The following CTNND2 variants were observed in gnomAD, a reference collection of about 807,000 sequenced individuals.
CTNND2 encodes catenin delta-2.
A neutral mutation model predicts 144.4 loss-of-function variants in CTNND2; 22 were observed. The observed-to-expected ratio is 0.15, with a 90% CI of 0.11 to 0.22. The LOEUF (loss-of-function observed/expected upper bound fraction) is 0.22, where lower values mean the gene tolerates loss of function less well. Ranked by LOEUF, CTNND2 falls within the 10% of genes least tolerant of loss-of-function variation. CTNND2 has a pLI of 1.00. For synonymous variants in CTNND2, 751 were observed against 695.6 expected (o/e 1.08, Z -1.25); for missense variants, 1,353 against 1,618.8 (o/e 0.84, Z 2.82).
intron 2 of CTNND2, among the ~76,000 whole-genome samples, chr5:11,676,110 G>A (rs549336886): frequency 1.3e-5 from 2 of 151,744 alleles, no homozygotes; most frequent in East Asian, 2.0e-4. Context: ...GCATCTGGCA[G>A]GTGTCCCTAC....
In CTNND2 at chr5:11,313,418, C is replaced by G. The variant is rs1045665045; in HGVS notation, c.1628+32954G>C. Among the ~76,000 whole-genome samples, 4 of 152,270 alleles carry G rather than the reference C, an allele frequency of 2.6e-5. 1 individual carries two copies. Among genetic ancestry groups the G allele is most frequent in the East Asian group, 1.9e-4 (1 of 5,184 alleles). ...GTCCCGAGATCCTCTTCCAAGTCCCCGACACTCTGGGCCCTTCTTCAGAGA... is the reference window on the plus strand; with the variant it reads ...GTCCCGAGATCCTCTTCCAAGTCCCGGACACTCTGGGCCCTTCTTCAGAGA... On this transcript the variant is annotated intron_variant, in intron 9 of 21. Transcript: ENST00000304623.
chr5:11,408,838 A>G (rs545462570), intron 5 of CTNND2, among the ~76,000 whole-genome samples: 11 of 152,126 alleles, frequency 7.2e-5, no homozygotes, highest in Non-Finnish European at 1.3e-4. Context: ...AAGAAAGCTC[A>G]GTACTATTAT....
intron 8 of CTNND2, among the ~76,000 whole-genome samples, chr5:11,363,001 T>C (rs1037553164): frequency 1.3e-5 from 2 of 152,232 alleles, no homozygotes; most frequent in Non-Finnish European, 2.9e-5. Context: ...AGTTTGAATT[T>C]CATATAATTT....
chr5:11,399,821 C>G (rs959354930), intron 5 of CTNND2, among the ~76,000 whole-genome samples: 1 of 152,200 alleles, frequency 6.6e-6, no homozygotes, highest in African/African-American at 2.4e-5. Flanking sequence ...TGACATATCA[C>G]CTGGCAAGGA....
At position 11,311,699 on chromosome 5, in the gene CTNND2, C is replaced by A. The variant is rs903235803; in HGVS notation, c.1628+34673G>T. On this transcript the variant is annotated intron_variant, in intron 9 of 21. Transcript: ENST00000304623. ...TGCTCTCACACACTCACTCTCCATG[C>A]ACCCTCACCACACACTCCCCATGCA... Among the ~76,000 whole-genome samples the A allele has an allele frequency of 1.1e-4, 16 of 146,630 alleles. 1 individual carries two copies. The highest frequency in any genetic ancestry group is 1.1e-3 in the East Asian group (5 of 4,722).
chr5:11,051,752 T>A (rs1214048470), intron 16 of CTNND2, among the ~76,000 whole-genome samples: 1 of 152,162 alleles, frequency 6.6e-6, no homozygotes, highest in Non-Finnish European at 1.5e-5. Flanking sequence ...ATTAAACAAA[T>A]ATGTATTGAT....
At chr5:11,474,572 T>C (rs1767540226) in intron 3 of CTNND2, among the ~76,000 whole-genome samples, 1 of 152,224 alleles carries the variant, frequency 6.6e-6, no homozygotes, top group East Asian at 1.9e-4. Context: ...TCTTTAAGGG[T>C]AAATCAGAAA....
rs759980257 is a variant in CTNND2, at chr5:11,342,078, G to A, written c.1628+4294C>T. 4.8e-4 allele frequency among the ~76,000 whole-genome samples: 73 copies of A among 152,254 alleles called. 1 individual carries two copies. The highest frequency in any genetic ancestry group is 8.4e-4 in the Non-Finnish European group (57 of 68,012). On this transcript the variant is annotated intron_variant, in intron 9 of 21. Transcript: ENST00000304623. Reference sequence around the variant, plus strand: ...TTCAATTCACTATATATGCATGCGCGTGGGTGTGTGTGTGTGTGTCCACAT... The same window carrying A: ...TTCAATTCACTATATATGCATGCGCATGGGTGTGTGTGTGTGTGTCCACAT...
intron 9 of CTNND2, among the ~76,000 whole-genome samples, chr5:11,254,015 TA>T (rs1743941210): frequency 1.3e-5 from 2 of 152,234 alleles, no homozygotes; most frequent in Non-Finnish European, 1.5e-5. Context: ...TACAATCCAT[TA>T]TGACTAAAAA....
At chr5:11,778,135 C>T (rs146647402) in intron 1 of CTNND2, among the ~76,000 whole-genome samples, 4 of 152,204 alleles carry the variant, frequency 2.6e-5, no homozygotes, top group East Asian at 3.9e-4. Context: ...TAACAACTAA[C>T]ATCAAATACT....
chr5:11,763,886 A>G (rs1393429700), intron 1 of CTNND2, among the ~76,000 whole-genome samples: 4 of 152,060 alleles, frequency 2.6e-5, no homozygotes, highest in Non-Finnish European at 5.9e-5. Flanking sequence ...TGGACTCCCA[A>G]TCAAGGGTCC....
rs142257905 is a variant in CTNND2, at chr5:11,701,778, T to C, written c.174+30358A>G. 2.9e-3 allele frequency among the ~76,000 whole-genome samples: 435 copies of C among 152,356 alleles called. 2 individuals carry two copies. The highest frequency in any genetic ancestry group is 9.5e-3 in the African/African-American group (395 of 41,584). The stretch of plus-strand genomic sequence containing the variant: ...AAAATATATGAAGTATTTATTTGTA[T>C]AATTTTTATATTAGCTAGGACACAA... On this transcript the variant is annotated intron_variant, in intron 2 of 21. Transcript: ENST00000304623.
intron 11 of CTNND2, among the ~76,000 whole-genome samples, chr5:11,163,341 G>A (rs868035030): frequency 5.3e-5 from 8 of 152,282 alleles, no homozygotes; most frequent in South Asian, 2.1e-4. Context: ...GCTTTCAGCC[G>A]AAATTTTGGA....
intron 3 of CTNND2, among the ~76,000 whole-genome samples, chr5:11,428,164 A>G (rs2149867907): frequency 6.6e-6 from 1 of 152,264 alleles, no homozygotes; most frequent in South Asian, 2.1e-4. Flanking sequence ...ATTCAAGTTG[A>G]GACTTGGTGG....
At chr5:11,467,398 C>G (rs1441614870) in intron 3 of CTNND2, among the ~76,000 whole-genome samples, 2 of 152,210 alleles carry the variant, frequency 1.3e-5, no homozygotes, top group African/African-American at 4.8e-5. Context: ...CAAGGCTTTG[C>G]TTATGTCGGA....
At chr5:11,287,942 T>A (rs1315602099) in intron 9 of CTNND2, among the ~76,000 whole-genome samples, 3 of 152,350 alleles carry the variant, frequency 2.0e-5, no homozygotes, top group East Asian at 1.9e-4. Flanking sequence ...GTAGTTTTTT[T>A]ATTTTTATTT....
chr5:11,310,974 A>G (rs781657607), intron 9 of CTNND2, among the ~76,000 whole-genome samples: 9 of 144,280 alleles, frequency 6.2e-5, no homozygotes, highest in Non-Finnish European at 1.2e-4. Context: ...CCACACATAC[A>G]CACACTCTCA....
chr5:11,656,585 C>T (rs928445863), intron 2 of CTNND2, among the ~76,000 whole-genome samples: 2 of 152,060 alleles, frequency 1.3e-5, no homozygotes, highest in African/African-American at 4.8e-5. Flanking sequence ...CCACCACCCA[C>T]CAATTTCAAA....
At position 11,333,627 on chromosome 5, in the gene CTNND2, C is replaced by A. The variant is rs32139; in HGVS notation, c.1628+12745G>T. Among the ~76,000 whole-genome samples the A allele has an allele frequency of 9.2e-5, 14 of 152,156 alleles. No homozygotes were observed. The East Asian group carries it at 9.6e-4, about 10-fold the overall frequency. Reference sequence around the variant, plus strand: ...TAAAGGCTGGAAACAACAATCTTCACTTATGACACCTCACAGGTTCATAGG... The same window carrying A: ...TAAAGGCTGGAAACAACAATCTTCAATTATGACACCTCACAGGTTCATAGG... On this transcript the variant is annotated intron_variant, in intron 9 of 21. Coordinates refer to ENST00000304623, the MANE Select transcript of CTNND2 (RefSeq NM_001332.4).
Sources: gnomAD v4.1 joint callset for allele counts (sites outside exome capture counted in the v4.1 genomes callset) on GRCh38, gnomAD v4.1.1 for gene constraint, MANE v1.5 for transcripts, NCBI Gene and HGNC (gene_info 2026-07-23, HGNC 2026-07-21) for gene names.